FAF1: variants seen among roughly 807,000 people sequenced by gnomAD.
The protein encoded by FAF1 is Fas associated factor 1.
A neutral mutation model predicts 92.5 loss-of-function variants in FAF1; 25 were observed. The ratio of observed to expected loss-of-function variants is 0.27; its 90% CI spans 0.20 to 0.38. The LOEUF (loss-of-function observed/expected upper bound fraction) is 0.38. Among genes scored for constraint, FAF1 ranks in the 10% least tolerant of loss-of-function variants. The pLI is 1.00. For missense variants in FAF1, 636 were observed against 793.3 expected, an observed-to-expected ratio of 0.80 and a Z score of 2.38; for synonymous variants, 234 against 273.2, an observed-to-expected ratio of 0.86 and a Z score of 1.42.
intron 1 of FAF1, among the ~76,000 whole-genome samples, chr1:50,931,875 A>AAAATAAAT (rs200438185): frequency 7.8e-5 from 9 of 115,574 alleles, no homozygotes; most frequent in African/African-American, 2.6e-4. Flanking sequence ...CTCTGTCTCA[A>AAAATAAAT]AAATAAATAA....
At chr1:50,557,931 G>C (rs1202003526) in intron 13 of FAF1, among the ~76,000 whole-genome samples, 1 of 114,122 alleles carries the variant, frequency 8.8e-6, no homozygotes, top group Non-Finnish European at 2.1e-5. Context: ...TATTTATTTA[G>C]ATACAGGGTC....
chr1:50,601,791 T>TACATATATTCATATAC (rs1652149758), intron 8 of FAF1, among the ~76,000 whole-genome samples: 1 of 151,852 alleles, frequency 6.6e-6, no homozygotes, highest in African/African-American at 2.4e-5. Flanking sequence ...TATTCATATA[T>TACATATATTCATATAC]ACATATATTC....
intron 7 of FAF1, 51 bp downstream of exon 7, chr1:50,705,735 C>T: frequency 9.9e-7 from 1 of 1,005,278 alleles, no homozygotes; most frequent in Non-Finnish European, 1.6e-6. Flanking sequence ...ACAGGGTCAA[C>T]ATTAGCTATA....
At chr1:50,870,255 A>G (rs1216753292) in intron 1 of FAF1, among the ~76,000 whole-genome samples, 2 of 152,200 alleles carry the variant, frequency 1.3e-5, no homozygotes, top group Admixed American at 1.3e-4. Context: ...TCAGGAGTTC[A>G]AGACCAGCCT....
At chr1:50,513,344 C>T (rs528607967) in intron 15 of FAF1, among the ~76,000 whole-genome samples, 15 of 152,208 alleles carry the variant, frequency 9.9e-5, no homozygotes, top group African/African-American at 3.1e-4. Flanking sequence ...ATTAACCGGG[C>T]ATGGTGGTGC....
intron 18 of FAF1, among the ~76,000 whole-genome samples, chr1:50,457,595 T>C (rs1343442177): frequency 6.6e-6 from 1 of 151,814 alleles, no homozygotes; most frequent in Non-Finnish European, 1.5e-5. Context: ...CAAAAGCTTA[T>C]TTGATTTCTT....
At chr1:50,714,533 A>AAAAC (rs1298562814) in intron 6 of FAF1, among the ~76,000 whole-genome samples, 1 of 152,018 alleles carries the variant, frequency 6.6e-6, no homozygotes, top group Non-Finnish European at 1.5e-5. Flanking sequence ...ACAAAAAACC[A>AAAAC]AAACAAACAA....
intron 2 of FAF1, among the ~76,000 whole-genome samples, chr1:50,806,946 A>G (rs543256175): frequency 6.6e-6 from 1 of 152,368 alleles, no homozygotes; most frequent in East Asian, 1.9e-4. Flanking sequence ...ATGAGAAGGT[A>G]CCAGTGCAGC....
intron 4 of FAF1, among the ~76,000 whole-genome samples, chr1:50,760,576 C>T (rs1660283826): frequency 6.6e-6 from 1 of 152,118 alleles, no homozygotes; most frequent in South Asian, 2.1e-4. Flanking sequence ...ACAACCTGCT[C>T]CTGAATGACT....
rs1166455858 is a variant in FAF1, at chr1:50,583,002, T to C, written c.1032-303A>G. 6.6e-6 allele frequency among the ~76,000 whole-genome samples: 1 copy of C among 152,110 alleles called. No individual in the cohort carries two copies. The highest frequency in any genetic ancestry group is 1.5e-5 in the Non-Finnish European group (1 of 67,968). ...GTTACTCACTTTCATATGATTTTAC[T>C]AGTTACATTAGCCTTATTTTCCCAC... On this transcript the variant is annotated intron_variant, in intron 11 of 18. Coordinates refer to ENST00000396153, the MANE Select transcript of FAF1 (RefSeq NM_007051.3). This position sits in a 1 kb window ranked among gnomAD's most constrained non-coding sequence, Gnocchi z 4.2.
intron 1 of FAF1, among the ~76,000 whole-genome samples, chr1:50,956,553 T>C (rs1645268484): frequency 6.6e-6 from 1 of 152,246 alleles, no homozygotes; most frequent in Admixed American, 6.5e-5. Flanking sequence ...CATGTAATTT[T>C]ACCATATTCA....
Position 50,546,656 on chromosome 1 carries a change from G to A in FAF1, c.1269-6928C>T, listed in dbSNP as rs138330557. The stretch of plus-strand genomic sequence containing the variant: ...TGAGATCACAGGCATGAGATACCGC[G>A]CCCGGCCATTAATTTGTTTATATAC... On this transcript the variant is annotated intron_variant, in intron 13 of 18. Transcript: ENST00000396153. Among the ~76,000 whole-genome samples the A allele has an allele frequency of 2.7e-3, 407 of 152,138 alleles. 2 individuals carry two copies. Among genetic ancestry groups the A allele is most frequent in the Admixed American group, 5.2e-3 (79 of 15,282 alleles).
rs190280413 is a variant in FAF1, at chr1:50,452,165, T to A, written c.1870-10642A>T. 2.3e-5 allele frequency: 31 copies of A among 1,348,336 alleles called. No homozygotes were observed. The East Asian group carries it at 1.1e-3, about 50-fold the overall frequency. 83.5% of individuals were successfully genotyped at this position (1,348,336 alleles called of 1,614,324 possible). On this transcript the variant is annotated intron_variant, in intron 18 of 18. Coordinates refer to ENST00000396153, the MANE Select transcript of FAF1 (RefSeq NM_007051.3). Reference sequence around the variant, plus strand: ...AATATACAAAGAACGAGAACAGGCATGTTTCCCCATCCTGGAAAGTCCTGG... The same window carrying A: ...AATATACAAAGAACGAGAACAGGCAAGTTTCCCCATCCTGGAAAGTCCTGG...
At chr1:50,733,875 C>G in intron 6 of FAF1, among the ~76,000 whole-genome samples, 1 of 152,236 alleles carries the variant, frequency 6.6e-6, no homozygotes. Flanking sequence ...CAACTCACTG[C>G]AACTTCCACC....
At chr1:50,560,063 T>C (rs144417351) in intron 13 of FAF1, among the ~76,000 whole-genome samples, 52 of 152,330 alleles carry the variant, frequency 3.4e-4, no homozygotes, top group African/African-American at 1.1e-3. Flanking sequence ...AAATTAATAC[T>C]CCTGTGTCTC....
intron 2 of FAF1, among the ~76,000 whole-genome samples, chr1:50,838,570 T>G (rs1644231458): frequency 6.8e-6 from 1 of 148,052 alleles, no homozygotes; most frequent in African/African-American, 2.4e-5. Flanking sequence ...TATATATATT[T>G]TATATAATTA....
chr1:50,452,064 G>C (rs753693644), intron 18 of FAF1: 5 of 1,333,760 alleles, frequency 3.7e-6, no homozygotes, highest in Non-Finnish European at 4.9e-6. Context: ...GAATGGAATG[G>C]GGAGGAAAAA....
At chr1:50,800,353 A>G (rs1376126612) in intron 3 of FAF1, among the ~76,000 whole-genome samples, 3 of 152,214 alleles carry the variant, frequency 2.0e-5, no homozygotes, top group African/African-American at 7.2e-5. Flanking sequence ...CATTTACTCA[A>G]AAATAAAACT....
chr1:50,871,921 C>T (rs971205293), intron 1 of FAF1, among the ~76,000 whole-genome samples: 2 of 151,840 alleles, frequency 1.3e-5, no homozygotes, highest in Non-Finnish European at 2.9e-5. Flanking sequence ...AAAAATTAGC[C>T]GGGCATAGTG....
Sources: gnomAD v4.1 joint callset for allele counts (sites outside exome capture counted in the v4.1 genomes callset) on GRCh38, gnomAD v4.1.1 for gene constraint, Gnocchi (gnomAD v3.1) non-coding constraint, MANE v1.5 for transcripts, NCBI Gene and HGNC (gene_info 2026-07-23, HGNC 2026-07-21) for gene names.